Variants in ITSN1 observed in about 807,000 individuals in gnomAD.
ITSN1 encodes intersectin 1.
In ITSN1, 58 loss-of-function variants were observed where a neutral mutation model predicts 239.8. That is an observed-to-expected ratio of 0.24 (90% confidence interval 0.20 to 0.30). ITSN1 has a LOEUF of 0.30. Among genes scored for constraint, ITSN1 ranks in the 10% least tolerant of loss-of-function variants. ITSN1 has a pLI of 1.00. For synonymous variants in ITSN1, 780 were observed against 770.8 expected, an observed-to-expected ratio of 1.01 and a Z score of -0.20; for missense variants, 1,558 against 2,103.3, an observed-to-expected ratio of 0.74 and a Z score of 5.07.
At chr21:33,750,907 C>G (rs778030386) in intron 6 of ITSN1, among the ~76,000 whole-genome samples, 3 of 152,138 alleles carry the variant, frequency 2.0e-5, no homozygotes, top group African/African-American at 4.8e-5. Context: ...TAGCCTTGGT[C>G]TAACATCTTA....
chr21:33,721,067 G>C (rs1229930627), intron 2 of ITSN1, 111 bp from the exon 3 acceptor site: 5 of 670,416 alleles, frequency 7.5e-6, no homozygotes, highest in Non-Finnish European at 1.1e-5. Context: ...AATTTATCAA[G>C]TCTTTATAAT....
At chr21:33,703,700 G>A (rs577789475) in intron 1 of ITSN1, among the ~76,000 whole-genome samples, 1 of 152,276 alleles carries the variant, frequency 6.6e-6, no homozygotes, top group East Asian at 1.9e-4. Flanking sequence ...TTCGGAGAGT[G>A]GAATTGTGGA....
intron 5 of ITSN1, among the ~76,000 whole-genome samples, chr21:33,741,152 G>A (rs559975732): frequency 3.9e-5 from 6 of 152,238 alleles, no homozygotes; most frequent in South Asian, 2.1e-4. Flanking sequence ...AACTGGTTGC[G>A]CAGTATGCTG....
At chr21:33,881,721 C>G (rs1346844445) in intron 34 of ITSN1, among the ~76,000 whole-genome samples, 1 of 152,150 alleles carries the variant, frequency 6.6e-6, no homozygotes, top group East Asian at 1.9e-4. Context: ...TGGCTCACAC[C>G]TGTAATCCCA....
chr21:33,832,465 T>C (rs2074351252), intron 27 of ITSN1, among the ~76,000 whole-genome samples: 1 of 152,220 alleles, frequency 6.6e-6, no homozygotes, highest in African/African-American at 2.4e-5. Flanking sequence ...AGTGAGTGTT[T>C]GAGTGGTTCT....
At position 33,721,165 on chromosome 21, in the gene ITSN1, C is replaced by A; in HGVS notation, c.29-13C>A. 6.3e-7 allele frequency: 1 copy of A among 1,594,334 alleles called. No homozygotes were observed. The highest frequency in any genetic ancestry group is 8.6e-7 in the Non-Finnish European group (1 of 1,162,398). On this transcript the variant is annotated splice_polypyrimidine_tract_variant and intron_variant, in intron 2 of 39. Transcript: ENST00000381318. ...TCACTGAATAATTTGTTTGTCTTTT[C>A]TTTGGATTTTAGGCAGCCTGGATAT...
intron 29 of ITSN1, among the ~76,000 whole-genome samples, 158 bp downstream of exon 29, chr21:33,836,790 G>A (rs958239002): frequency 1.1e-4 from 17 of 152,072 alleles, no homozygotes; most frequent in African/African-American, 3.9e-4. Flanking sequence ...TAATGCAAGA[G>A]TTTATCTCAT....
chr21:33,831,766 G>A (rs2074308044), intron 27 of ITSN1, among the ~76,000 whole-genome samples: 1 of 152,176 alleles, frequency 6.6e-6, no homozygotes, highest in Admixed American at 6.5e-5. Flanking sequence ...ACAACCTGGA[G>A]TGTAACTAAA....
At chr21:33,793,354 C>G (rs1042686404) in intron 16 of ITSN1, among the ~76,000 whole-genome samples, 3 of 152,162 alleles carry the variant, frequency 2.0e-5, no homozygotes, top group Non-Finnish European at 4.4e-5. Context: ...GGGCCATGTA[C>G]TGGGAGGACC....
intron 4 of ITSN1, among the ~76,000 whole-genome samples, chr21:33,728,631 A>G (rs1383624820): frequency 6.6e-6 from 1 of 152,134 alleles, no homozygotes; most frequent in African/African-American, 2.4e-5. Context: ...CTCACATCGC[A>G]GGTTCATTGC....
rs58398933 is a variant in ITSN1 at position 33,874,654 on chromosome 21, C to CTTT, written c.4174-689_4174-687dup. ...CAGGGTGAATATTTTCTTTTTCTTT[C>CTTT]TTTTTTTTTTTTTGAGACGGAGCCT... On this transcript the variant is annotated intron_variant, in intron 33 of 39. Transcript: ENST00000381318. Among the ~76,000 whole-genome samples the CTTT allele has an allele frequency of 1.9e-4, 27 of 142,778 alleles. 1 individual carries two copies. The South Asian group carries it at 4.8e-3, about 25-fold the overall frequency. The allele number at this position is 142,778 out of a possible 152,430, so 93.7% of individuals were successfully genotyped here.
intron 1 of ITSN1, among the ~76,000 whole-genome samples, chr21:33,673,042 A>G (rs962957394): frequency 2.0e-5 from 3 of 152,222 alleles, no homozygotes; most frequent in Non-Finnish European, 2.9e-5. Flanking sequence ...TGCCAGACAA[A>G]AAAAATAAAT....
At chr21:33,856,902 G>C (rs532162247) in intron 30 of ITSN1, 45 bp downstream of exon 30, 6 of 1,579,626 alleles carry the variant, frequency 3.8e-6, no homozygotes, top group Non-Finnish European at 5.2e-6. Context: ...GGGCGATGAC[G>C]GAGGGAGAGG....
rs978052883 is a variant in ITSN1 at position 33,894,621 on chromosome 21, G to C, written c.*6321G>C. ...AAACTAAGGTTTCTTTTTAGGCAGT[G>C]GTAAGAATGCGTATTTTCTTCTTCC... On this transcript the variant is annotated 3_prime_UTR_variant, in exon 40 of 40. Transcript: ENST00000381318. The C allele has an allele frequency of 4.6e-5, 7 of 151,998 alleles. No homozygotes were observed. Among genetic ancestry groups the C allele is most frequent in the Non-Finnish European group, 7.4e-5 (5 of 68,010 alleles). 9.4% of individuals were successfully genotyped at this position (151,998 alleles called of 1,614,324 possible).
rs762631985 is a variant in ITSN1, at chr21:33,797,381, G to A, written c.1955G>A (p.Arg652Gln). 13 of 1,613,372 alleles carry A rather than the reference G, an allele frequency of 8.1e-6. No individual in the cohort carries two copies. The highest frequency in any genetic ancestry group is 6.7e-5 in the Admixed American group (4 of 59,976). ...LEKQKEEAQR[R>Q]AQERDKQWLE... is the part of the protein sequence containing the mutation. ...TAATCAAGCGTGTTTGTTGGCAGAC[G>A]AGCTCAGGAAAGGGACAAGCAGTGG... The change falls in exon 18 of 40, where the codon CGA becomes CAA. Residue 652 changes from arginine (R) to glutamine (Q), a missense_variant and splice_region_variant. By Grantham distance (43) the Arg-to-Gln change is conservative. Transcript: ENST00000381318. The surrounding 1 kb of genome is among the most constrained non-coding windows in gnomAD (Gnocchi z 4.9).
chr21:33,758,471 C>T (rs1007551507), intron 8 of ITSN1, among the ~76,000 whole-genome samples: 2 of 152,206 alleles, frequency 1.3e-5, no homozygotes, highest in Admixed American at 1.3e-4. Flanking sequence ...CCGATACATC[C>T]TGTTGGACAC....
At chr21:33,728,890 C>G (rs77726916) in intron 4 of ITSN1, among the ~76,000 whole-genome samples, 1 of 152,168 alleles carries the variant, frequency 6.6e-6, no homozygotes, top group Non-Finnish European at 1.5e-5. Context: ...CCACTCCCCC[C>G]TGCCCCATAA....
intron 29 of ITSN1, among the ~76,000 whole-genome samples, chr21:33,844,208 T>C (rs1029659039): frequency 6.6e-6 from 1 of 152,174 alleles, no homozygotes; most frequent in East Asian, 1.9e-4. Context: ...TTCGCTGCAC[T>C]CCTGCAATGT....
rs117219097 is a variant in ITSN1 at position 33,758,389 on chromosome 21, A to G, written c.724+2992A>G. On this transcript the variant is annotated intron_variant, in intron 8 of 39. Transcript: ENST00000381318. Reference sequence around the variant, plus strand: ...CTCTGCCTCCCAAAGTGGTGGGATTATAGGCGTGAGCCACCGCGTCTGGCC... The same window carrying G: ...CTCTGCCTCCCAAAGTGGTGGGATTGTAGGCGTGAGCCACCGCGTCTGGCC... Among the ~76,000 whole-genome samples, 487 of 152,330 alleles carry G rather than the reference A, an allele frequency of 3.2e-3. 1 individual carries two copies. Among genetic ancestry groups the G allele is most frequent in the Non-Finnish European group, 4.6e-3 (311 of 68,028 alleles).
Sources: gnomAD v4.1 joint callset for allele counts (sites outside exome capture counted in the v4.1 genomes callset) on GRCh38, gnomAD v4.1.1 for gene constraint, Gnocchi (gnomAD v3.1) non-coding constraint, MANE v1.5 for transcripts, NCBI Gene and HGNC (gene_info 2026-07-23, HGNC 2026-07-21) for gene names.